The following SECISBP2 variants were observed in gnomAD, a reference collection of about 807,000 sequenced individuals.
SECISBP2 encodes SECIS binding protein 2, also known as selenocysteine insertion sequence-binding protein 2.
Under a neutral mutation model 98.2 loss-of-function variants are expected in SECISBP2, and 96 were observed. That is an observed-to-expected ratio of 0.98 (90% CI 0.83 to 1.16). The LOEUF is 1.16. Ranked by LOEUF, SECISBP2 falls within the 50% of genes most tolerant of loss-of-function variation. The probability of loss-of-function intolerance (pLI) is 0.00; values close to 1 mark genes in which losing one functional copy is unlikely to be tolerated. For missense variants in SECISBP2, 1,046 were observed against 1,022.9 expected (o/e 1.02, Z -0.31); for synonymous variants, 407 against 370.2 (o/e 1.10, Z -1.14).
At chr9:89,357,891 T>A in intron 15 of SECISBP2, 108 bp from the exon 16 acceptor site, 1 of 1,216,768 alleles carries the variant, frequency 8.2e-7, no homozygotes. Context: ...AGGTCCACAT[T>A]ACCCCATGTC....
chr9:89,332,218 C>T (rs151169882), intron 5 of SECISBP2, among the ~76,000 whole-genome samples: 2 of 151,812 alleles, frequency 1.3e-5, no homozygotes, highest in African/African-American at 2.4e-5. Flanking sequence ...TTCCCATATG[C>T]CCCTTGCCTG....
At chr9:89,366,174 C>G in the SECISBP2 span, among the ~76,000 whole-genome samples, 4 of 152,172 alleles carry the variant, frequency 2.6e-5, no homozygotes, top group African/African-American at 9.7e-5. Flanking sequence ...GAAACAATAT[C>G]TAGGAATGTG....
At chr9:89,318,828 C>T (rs2131491089) in intron 1 of SECISBP2, 1 of 1,269,110 alleles carries the variant, frequency 7.9e-7, no homozygotes, top group Non-Finnish European at 1.0e-6. Context: ...CCACAGTTAG[C>T]GCCGCGTCTG....
At position 89,325,954 on chromosome 9, in the gene SECISBP2, G is replaced by C. The variant is rs750850581; in HGVS notation, c.490G>C (p.Ala164Pro). The stretch of plus-strand genomic sequence containing the variant: ...TCAGCAAAAGTTTGACAGTGAAAGG[G>C]CTGATGGAACTATATCATCTGAGAT... ...YDQQKFDSER[A>P]DGTISSEIKS... The change falls in exon 4 of 17, where the codon GCT becomes CCT. Residue 164 changes from alanine to proline, a missense_variant. Transcript: ENST00000375807. 3.1e-6 allele frequency: 5 copies of C among 1,613,876 alleles called. No homozygotes were observed. The East Asian group carries it at 1.1e-4, about 36-fold the overall frequency.
intron 6 of SECISBP2, among the ~76,000 whole-genome samples, chr9:89,333,360 C>CAA (rs1828070415): frequency 6.6e-6 from 1 of 152,342 alleles, no homozygotes; most frequent in Middle Eastern, 3.4e-3. Flanking sequence ...TTGCCCTATT[C>CAA]AAAGTTCAAA....
At chr9:89,342,595 G>C (rs1400079010) in intron 10 of SECISBP2, among the ~76,000 whole-genome samples, 2 of 152,044 alleles carry the variant, frequency 1.3e-5, no homozygotes, top group African/African-American at 2.4e-5. Context: ...CCTTAAAAAA[G>C]GAATGAATTC....
At position 89,359,200 on chromosome 9, in the gene SECISBP2, C is replaced by T. The variant is rs1213674915; in HGVS notation, c.*376C>T. On this transcript the variant is annotated 3_prime_UTR_variant, in exon 17 of 17. Transcript: ENST00000375807. ...GAGTTTGCAGAAAGCAGGTGGTGAG[C>T]TCCTGCCTGCTGGAGGTTGCCATGG... 3.0e-6 allele frequency: 1 copy of T among 331,982 alleles called. No homozygotes were observed. The highest frequency in any genetic ancestry group is 2.5e-5 in the South Asian group (1 of 39,962). The allele number at this position is 331,982 out of a possible 1,614,324, so 20.6% of individuals were successfully genotyped here.
chr9:89,357,538 G>A lies in SECISBP2; in HGVS notation c.2241G>A (p.Val747=). Residue 747 remains valine, a synonymous_variant, in exon 15 of 17, where the codon GTG becomes GTA. Coordinates refer to ENST00000375807, the MANE Select transcript of SECISBP2 (RefSeq NM_024077.5). ...SLNKAVPVSV[V]GIFSYDGAQD... ...ATAAGGCAGTTCCTGTCAGTGTGGTGGGGATCTTCAGCTATGATGGGGCCC... is the reference window on the plus strand; with the variant it reads ...ATAAGGCAGTTCCTGTCAGTGTGGTAGGGATCTTCAGCTATGATGGGGCCC... 1 of 1,614,054 alleles carries A rather than the reference G, an allele frequency of 6.2e-7. No homozygotes were observed. The highest frequency in any genetic ancestry group is 8.5e-7 in the Non-Finnish European group (1 of 1,180,034).
chr9:89,323,659 A>G lies in SECISBP2; in HGVS notation c.183-1768A>G, dbSNP rs12353122. On this transcript the variant is annotated intron_variant, in intron 2 of 16. Coordinates refer to ENST00000375807, the MANE Select transcript of SECISBP2 (RefSeq NM_024077.5). The stretch of plus-strand genomic sequence containing the variant: ...GGGGTAGCTTAGGACAGTGAATGAG[A>G]AACAGGTGTGTTACTGTGGGTTTAG... 7.9e-4 allele frequency: 120 copies of G among 152,298 alleles called. 1 individual carries two copies. Among genetic ancestry groups the G allele is most frequent in the African/African-American group, 2.9e-3 (119 of 41,538 alleles). 9.4% of individuals were successfully genotyped at this position (152,298 alleles called of 1,614,324 possible).
chr9:89,349,776 G>A lies in SECISBP2; in HGVS notation c.1739G>A (p.Gly580Glu), dbSNP rs537368628. 2.5e-6 allele frequency: 4 copies of A among 1,614,166 alleles called. No individual in the cohort carries two copies. The highest frequency in any genetic ancestry group is 2.7e-5 in the African/African-American group (2 of 75,042). The change falls in exon 13 of 17, where the codon GGG becomes GAG. Residue 580 changes from glycine to glutamate, a missense_variant and splice_region_variant. Physicochemically the swap from Gly to Glu is moderately conservative, Grantham distance 98 (BLOSUM62 -2). Coordinates refer to ENST00000375807, the MANE Select transcript of SECISBP2 (RefSeq NM_024077.5). ...DQFPEQAELSGPEGMDELIST... is the reference protein window; with the variant it reads ...DQFPEQAELSEPEGMDELIST... ...GATGATGCCTTTTTCCTCCATGAAG[G>A]GCCAGAGGGGATGGACGAACTGATC...
chr9:89,334,170 A>C (rs923454297), intron 6 of SECISBP2: 2 of 1,175,384 alleles, frequency 1.7e-6, no homozygotes, highest in Non-Finnish European at 2.1e-6. Flanking sequence ...GTAGGGCCAA[A>C]ATTTGATCTT....
At chr9:89,323,250 GA>G (rs1175582373) in intron 2 of SECISBP2, 2 of 152,292 alleles carry the variant, frequency 1.3e-5, no homozygotes, top group African/African-American at 4.8e-5. Flanking sequence ...GAAATGACCT[GA>G]AAGTTGGAGA....
At chr9:89,363,938 A>G (rs145328499), downstream of SECISBP2, 1 of 1,614,064 alleles carries the variant, frequency 6.2e-7, no homozygotes, top group Non-Finnish European at 8.5e-7. Flanking sequence ...GACAAAGCGA[A>G]TGTCTGCAGG....
At chr9:89,364,115 T>C, downstream of SECISBP2, 7 of 1,438,120 alleles carry the variant, frequency 4.9e-6, no homozygotes, top group South Asian at 2.6e-5. Context: ...GGCTTCCCCA[T>C]GGCCAGCGGG....
At chr9:89,332,859 T>G in intron 5 of SECISBP2, 49 bp from the exon 6 acceptor site, 1 of 1,413,956 alleles carries the variant, frequency 7.1e-7, no homozygotes, top group Non-Finnish European at 1.0e-6. Context: ...GTTATCTCCT[T>G]GTTTTAATTT....
chr9:89,324,193 A>G (rs1160275166), intron 2 of SECISBP2: 1 of 152,218 alleles, frequency 6.6e-6, no homozygotes, highest in Non-Finnish European at 1.5e-5. Context: ...TCACAGGAAC[A>G]TGTAGGCAGT....
chr9:89,362,467 G>T, downstream of SECISBP2: 1 of 1,613,984 alleles, frequency 6.2e-7, no homozygotes, highest in Non-Finnish European at 8.5e-7. Flanking sequence ...TTGGTGGAAC[G>T]GATGGGCCTT....
Position 89,318,555 on chromosome 9 carries a change from G to C in SECISBP2, c.-22G>C, listed in dbSNP as rs193197080. 0.011 allele frequency: 16,308 copies of C among 1,508,828 alleles called. 134 individuals carry two copies. The highest frequency in any genetic ancestry group is 0.019 in the South Asian group (1,578 of 81,824). The allele number at this position is 1,508,828 out of a possible 1,614,324, so 93.5% of individuals were successfully genotyped here. A position where few individuals can be genotyped will look rare whatever the true frequency, so the allele number is the denominator to read the frequency against. ...GGCCCGCTGCTGGCCTCCGTGACGC[G>C]GCCTCCTCCGCGCCTCGCGGCATGG... On this transcript the variant is annotated 5_prime_UTR_variant, in exon 1 of 17. Coordinates refer to ENST00000375807, the MANE Select transcript of SECISBP2 (RefSeq NM_024077.5).
intron 7 of SECISBP2, 88 bp downstream of exon 7, chr9:89,334,818 A>G (rs1354925289): frequency 2.0e-6 from 2 of 1,000,856 alleles, no homozygotes; most frequent in Non-Finnish European, 3.1e-6. Flanking sequence ...TAATGGGTAG[A>G]GAGTTTCAGT....
Sources: allele counts gnomAD v4.1 joint callset (sites outside exome capture counted in the v4.1 genomes callset), GRCh38; gene constraint gnomAD v4.1.1; transcripts MANE v1.5; gene names NCBI Gene and HGNC (gene_info 2026-07-23, HGNC 2026-07-21).